Variants in KCTD16 observed in about 807,000 individuals in gnomAD.
KCTD16 encodes the protein potassium channel tetramerization domain containing 16.
In KCTD16, 13 loss-of-function variants were observed where a neutral mutation model predicts 33.2. The ratio of observed to expected loss-of-function variants is 0.39; its 90% CI spans 0.25 to 0.62. KCTD16 has a LOEUF of 0.62. Among genes scored for constraint, KCTD16 ranks in the 20% least tolerant of loss-of-function variants. KCTD16 has a pLI of 0.50. For missense variants in KCTD16, 441 were observed against 525.1 expected, an observed-to-expected ratio of 0.84 and a Z score of 1.57; for synonymous variants, 197 against 195.3, an observed-to-expected ratio of 1.01 and a Z score of -0.07.
At chr5:144,257,413 GCAAATTCTAAAATAATTC>G (rs1392992688) in intron 3 of KCTD16, among the ~76,000 whole-genome samples, 1 of 152,054 alleles carries the variant, frequency 6.6e-6, no homozygotes, top group Non-Finnish European at 1.5e-5. Context: ...TTTCAGGTTT[GCAAATTCTAAAATAATTC>G]CAAACAATGG....
At chr5:144,318,320 T>C (rs925033941) in intron 3 of KCTD16, among the ~76,000 whole-genome samples, 4 of 152,206 alleles carry the variant, frequency 2.6e-5, no homozygotes, top group East Asian at 1.9e-4. Context: ...TTGATCTACC[T>C]TGATGTGCAA....
intron 3 of KCTD16, among the ~76,000 whole-genome samples, chr5:144,237,996 T>C (rs959481838): frequency 3.9e-5 from 6 of 152,330 alleles, no homozygotes; most frequent in South Asian, 2.1e-4. Flanking sequence ...TTGCTTAGCA[T>C]CAGACACTAT....
intron 3 of KCTD16, among the ~76,000 whole-genome samples, chr5:144,465,118 G>A (rs1481151894): frequency 1.3e-5 from 2 of 150,364 alleles, no homozygotes; most frequent in East Asian, 2.0e-4. Context: ...CAAGTAAAAT[G>A]TCTAGCATAG....
intron 3 of KCTD16, among the ~76,000 whole-genome samples, chr5:144,315,190 C>T (rs554803539): frequency 6.6e-6 from 1 of 152,284 alleles, no homozygotes; most frequent in South Asian, 2.1e-4. Flanking sequence ...TTACATCATG[C>T]CTTTGACTTT....
At chr5:144,472,377 C>T (rs1317047952) in intron 3 of KCTD16, among the ~76,000 whole-genome samples, 5 of 152,140 alleles carry the variant, frequency 3.3e-5, no homozygotes, top group Non-Finnish European at 7.3e-5. Context: ...TGCTTTGTGC[C>T]ATGATTGTGG....
At chr5:144,349,237 C>T (rs1752885135) in intron 3 of KCTD16, among the ~76,000 whole-genome samples, 1 of 152,160 alleles carries the variant, frequency 6.6e-6, no homozygotes, top group Non-Finnish European at 1.5e-5. Flanking sequence ...TGGTGCTTTG[C>T]ATGGTTTACA....
chr5:144,347,884 G>A (rs1752847767), intron 3 of KCTD16, among the ~76,000 whole-genome samples: 1 of 152,180 alleles, frequency 6.6e-6, no homozygotes, highest in African/African-American at 2.4e-5. Context: ...ATCTGCCCCA[G>A]GTGAGCTGCC....
At chr5:144,239,760 T>C (rs1334418035) in intron 3 of KCTD16, among the ~76,000 whole-genome samples, 1 of 152,136 alleles carries the variant, frequency 6.6e-6, no homozygotes, top group East Asian at 1.9e-4. Context: ...TAATAGTGAA[T>C]GATAACTATA....
At chr5:144,450,879 C>A (rs1753925725) in intron 3 of KCTD16, among the ~76,000 whole-genome samples, 1 of 152,010 alleles carries the variant, frequency 6.6e-6, no homozygotes, top group Non-Finnish European at 1.5e-5. Flanking sequence ...TAATGTACAG[C>A]ATAATGCCTA....
chr5:144,300,719 A>G (rs1229152401), intron 3 of KCTD16, among the ~76,000 whole-genome samples: 3 of 152,256 alleles, frequency 2.0e-5, no homozygotes, highest in East Asian at 1.9e-4. Flanking sequence ...TTGATATACA[A>G]TGTGGTTGGG....
At chr5:144,370,658 T>C (rs1751947385) in intron 3 of KCTD16, among the ~76,000 whole-genome samples, 1 of 152,180 alleles carries the variant, frequency 6.6e-6, no homozygotes. Context: ...TACTAATCTT[T>C]AGGCATATAT....
chr5:144,458,313 C>G (rs897778190), intron 3 of KCTD16, among the ~76,000 whole-genome samples: 7 of 152,092 alleles, frequency 4.6e-5, no homozygotes, highest in African/African-American at 1.2e-4. Context: ...ATAGTGAGAT[C>G]CATCTGACCT....
Position 144,482,503 on chromosome 5 carries a change from G to C in KCTD16, c.*8389G>C, listed in dbSNP as rs1339009513. ...CGTGTTTATATGTGTTTATGCATGA[G>C]TGTATCTAGGTATCTGCTATTTTCA... On this transcript the variant is annotated 3_prime_UTR_variant, in exon 4 of 4. Transcript: ENST00000512467. 6.6e-6 allele frequency: 1 copy of C among 151,838 alleles called. No homozygotes were observed. Among genetic ancestry groups the C allele is most frequent in the African/African-American group, 2.4e-5 (1 of 41,386 alleles). The allele number at this position is 151,838 out of a possible 1,614,324, so 9.4% of individuals were successfully genotyped here.
intron 3 of KCTD16, among the ~76,000 whole-genome samples, chr5:144,344,758 G>A (rs1752740577): frequency 6.7e-6 from 1 of 150,280 alleles, no homozygotes; most frequent in South Asian, 2.1e-4. Context: ...CTGTTGGTGG[G>A]ACTGTAAACT....
At chr5:144,434,776 G>A (rs1034645054) in intron 3 of KCTD16, among the ~76,000 whole-genome samples, 2 of 152,112 alleles carry the variant, frequency 1.3e-5, no homozygotes, top group African/African-American at 2.4e-5. Flanking sequence ...CACTGAATAG[G>A]TCATGTGAAA....
chr5:144,172,806 G>A (rs1312820986), intron 1 of KCTD16, among the ~76,000 whole-genome samples: 1 of 151,980 alleles, frequency 6.6e-6, no homozygotes, highest in East Asian at 1.9e-4. Context: ...GCTGTGTTTC[G>A]AGTCATCAAT....
intron 3 of KCTD16, among the ~76,000 whole-genome samples, chr5:144,318,288 C>T (rs1441897966): frequency 6.6e-6 from 1 of 152,158 alleles, no homozygotes; most frequent in Non-Finnish European, 1.5e-5. Flanking sequence ...TATTAGTACA[C>T]ACTTTGATCT....
rs144545248 is a variant in KCTD16, at chr5:144,340,876, C to A, written c.833-132784C>A. 2.3e-3 allele frequency among the ~76,000 whole-genome samples: 349 copies of A among 152,000 alleles called. 5 individuals carry two copies. The highest frequency in any genetic ancestry group is 7.8e-3 in the African/African-American group (325 of 41,464). ...ACCAGCCTGACCAACATGGTGAAAC[C>A]CCGTCTCTACTAAACATACAAAAAT... On this transcript the variant is annotated intron_variant, in intron 3 of 3. Transcript: ENST00000512467.
chr5:144,355,204 C>T (rs1029817752), intron 3 of KCTD16, among the ~76,000 whole-genome samples: 1 of 152,084 alleles, frequency 6.6e-6, no homozygotes, highest in Admixed American at 6.6e-5. Context: ...CAGATGACAA[C>T]AATATCAACC....
Sources: allele counts gnomAD v4.1 joint callset (sites outside exome capture counted in the v4.1 genomes callset), GRCh38; gene constraint gnomAD v4.1.1; transcripts MANE v1.5; gene names NCBI Gene and HGNC (gene_info 2026-07-23, HGNC 2026-07-21).